The following ANKS1B variants were observed in gnomAD, a reference collection of about 807,000 sequenced individuals.
ANKS1B encodes ankyrin repeat and sterile alpha motif domain-containing protein 1B.
A neutral mutation model predicts 148.3 loss-of-function variants in ANKS1B; 36 were observed. The ratio of observed to expected loss-of-function variants is 0.24; its 90% CI spans 0.19 to 0.32. The LOEUF is 0.32. Ranked by LOEUF, ANKS1B falls within the 10% of genes least tolerant of loss-of-function variation. The probability of loss-of-function intolerance (pLI) is 1.00; values close to 1 mark genes in which losing one functional copy is unlikely to be tolerated. For missense variants in ANKS1B, 1,157 were observed against 1,542.6 expected (o/e 0.75, Z 4.19); for synonymous variants, 542 against 560.8 (o/e 0.97, Z 0.47).
At chr12:99,977,427 G>A (rs144887011) in intron 1 of ANKS1B, among the ~76,000 whole-genome samples, 77 of 152,258 alleles carry the variant, frequency 5.1e-4, no homozygotes, top group African/African-American at 1.8e-3. Context: ...GCGATTACAG[G>A]TGTGAGCCAC....
intron 17 of ANKS1B, among the ~76,000 whole-genome samples, chr12:98,923,785 C>A (rs984105224): frequency 6.6e-6 from 1 of 152,278 alleles, no homozygotes; most frequent in Admixed American, 6.5e-5. Flanking sequence ...AGTAGAGCCA[C>A]GTAGAATTAT....
chr12:99,322,857 G>T (rs759461294), intron 12 of ANKS1B, among the ~76,000 whole-genome samples: 1 of 152,192 alleles, frequency 6.6e-6, no homozygotes, highest in Non-Finnish European at 1.5e-5. Context: ...ACGGTAGTGA[G>T]TAAGTCTCAC....
intron 8 of ANKS1B, among the ~76,000 whole-genome samples, chr12:99,738,471 T>G (rs186809565): frequency 6.6e-6 from 1 of 152,300 alleles, no homozygotes; most frequent in East Asian, 1.9e-4. Flanking sequence ...TTGTAGTATT[T>G]CAGTAGCTGT....
intron 1 of ANKS1B, among the ~76,000 whole-genome samples, chr12:99,966,322 T>C (rs2095483676): frequency 6.6e-6 from 1 of 152,136 alleles, no homozygotes; most frequent in Admixed American, 6.5e-5. Flanking sequence ...TACTTGCAAA[T>C]GGTTCGGGGA....
chr12:99,796,127 G>T (rs1380445844), intron 4 of ANKS1B, among the ~76,000 whole-genome samples: 1 of 151,934 alleles, frequency 6.6e-6, no homozygotes, highest in Non-Finnish European at 1.5e-5. Flanking sequence ...TTGAACCCAA[G>T]CAGTGCAATA....
chr12:99,246,740 C>T lies in ANKS1B; in HGVS notation c.1881G>A (p.Gly627=), dbSNP rs1800733326. The part of the protein sequence containing the change: ...ESPENPFHLY[G]KREQCEKGQD... ...GTCCTTTTTCACATTGTTCTCTTTT[C>T]CCATAGAGATGAAATGGATTTTCAG... Residue 627 remains glycine, a synonymous_variant, in exon 13 of 27, where the codon GGG becomes GGA. Coordinates refer to ENST00000683438, the MANE Select transcript of ANKS1B (RefSeq NM_001352186.2). 5 of 1,613,740 alleles carry T rather than the reference C, an allele frequency of 3.1e-6. No homozygotes were observed. Among genetic ancestry groups the T allele is most frequent in the Non-Finnish European group, 3.4e-6 (4 of 1,179,866 alleles).
chr12:98,923,679 T>C (rs1313275884), intron 17 of ANKS1B, among the ~76,000 whole-genome samples: 1 of 152,184 alleles, frequency 6.6e-6, no homozygotes, highest in Non-Finnish European at 1.5e-5. Context: ...TCATTGCTGC[T>C]TCCCACCACC....
At chr12:99,785,029 G>A (rs189397226) in intron 4 of ANKS1B, among the ~76,000 whole-genome samples, 3 of 152,212 alleles carry the variant, frequency 2.0e-5, no homozygotes, top group Admixed American at 2.0e-4. Context: ...TGAAAATATA[G>A]ATGTTTAGGA....
At chr12:99,473,822 T>C (rs1261947825) in intron 10 of ANKS1B, among the ~76,000 whole-genome samples, 1 of 152,094 alleles carries the variant, frequency 6.6e-6, no homozygotes, top group Admixed American at 6.5e-5. Context: ...AGTATGTGCA[T>C]TATAAACATC....
At chr12:99,388,744 A>G (rs1363431486) in intron 12 of ANKS1B, among the ~76,000 whole-genome samples, 1 of 152,244 alleles carries the variant, frequency 6.6e-6, no homozygotes, top group East Asian at 1.9e-4. Context: ...AAGCTCACAG[A>G]CTGTTGGCCC....
intron 10 of ANKS1B, among the ~76,000 whole-genome samples, chr12:99,453,132 T>G (rs1035049930): frequency 6.6e-6 from 1 of 151,784 alleles, no homozygotes; most frequent in African/African-American, 2.4e-5. Flanking sequence ...CTACTAAAAA[T>G]ACAAAAAATT....
chr12:99,724,986 T>G (rs755932299), intron 8 of ANKS1B, among the ~76,000 whole-genome samples: 5 of 152,162 alleles, frequency 3.3e-5, no homozygotes, highest in Non-Finnish European at 7.3e-5. Context: ...ATGCCTGCCT[T>G]ACAAGAGCCC....
chr12:98,983,267 G>T (rs905489260), intron 17 of ANKS1B, among the ~76,000 whole-genome samples: 8 of 152,072 alleles, frequency 5.3e-5, no homozygotes, highest in Admixed American at 1.3e-4. Flanking sequence ...TTCAGTTATT[G>T]GCAGTTACAG....
chr12:99,914,383 T>G (rs2094104306), intron 1 of ANKS1B, among the ~76,000 whole-genome samples: 1 of 152,150 alleles, frequency 6.6e-6, no homozygotes, highest in Non-Finnish European at 1.5e-5. Flanking sequence ...AGTACAAGCT[T>G]ATATAATAGC....
intron 11 of ANKS1B, among the ~76,000 whole-genome samples, chr12:99,429,285 T>C (rs2095322320): frequency 6.6e-6 from 1 of 152,206 alleles, no homozygotes. Flanking sequence ...ATGCACCAGC[T>C]GATAGGATGC....
At chr12:99,774,253 C>CA (rs1332613803) in intron 7 of ANKS1B, among the ~76,000 whole-genome samples, 2 of 151,922 alleles carry the variant, frequency 1.3e-5, no homozygotes, top group Middle Eastern at 3.2e-3. Context: ...GGTTAATGTG[C>CA]AAAATACATA....
At chr12:99,360,970 G>A (rs1181730660) in intron 12 of ANKS1B, among the ~76,000 whole-genome samples, 1 of 152,044 alleles carries the variant, frequency 6.6e-6, no homozygotes, top group Non-Finnish European at 1.5e-5. Context: ...AGGGTAGCTG[G>A]GGGACTGCGG....
chr12:99,788,747 G>A (rs1388916288), intron 4 of ANKS1B, among the ~76,000 whole-genome samples: 2 of 151,964 alleles, frequency 1.3e-5, no homozygotes, highest in African/African-American at 2.4e-5. Context: ...CCTATAGGGT[G>A]AGTCTGAGGC....
At position 99,906,283 on chromosome 12, in the gene ANKS1B, G is replaced by T. The variant is rs184443268; in HGVS notation, c.134+77821C>A. 2.5e-3 allele frequency among the ~76,000 whole-genome samples: 382 copies of T among 152,298 alleles called. 1 individual carries two copies. Among genetic ancestry groups the T allele is most frequent in the Non-Finnish European group, 3.7e-3 (254 of 68,022 alleles). ...GAAAAGACCTCACGTGAATAATGTA[G>T]TGATCTGTATCGCTACATTCTCTTC... On this transcript the variant is annotated intron_variant, in intron 1 of 26. Coordinates refer to ENST00000683438, the MANE Select transcript of ANKS1B (RefSeq NM_001352186.2).
Sources: allele counts gnomAD v4.1 joint callset (sites outside exome capture counted in the v4.1 genomes callset), GRCh38; gene constraint gnomAD v4.1.1; transcripts MANE v1.5; gene names NCBI Gene and HGNC (gene_info 2026-07-23, HGNC 2026-07-21).